Variants in AKAP19 observed in about 807,000 individuals in gnomAD.
AKAP19 encodes A-kinase anchoring protein 19.
At chr2:190,200,247 T>G in the AKAP19 span, 9 of 938,956 alleles carry the variant, frequency 9.6e-6, no homozygotes, top group Admixed American at 6.4e-5. Context: ...ACTATCTGGA[T>G]TTAAAAATGT....
chr2:190,183,651 GA>G, the AKAP19 span, among the ~76,000 whole-genome samples: 1 of 151,950 alleles, frequency 6.6e-6, no homozygotes, highest in Non-Finnish European at 1.5e-5. Flanking sequence ...AACACTGGGG[GA>G]AAAAAGTTCT....
At chr2:190,052,826 C>T in the AKAP19 span, among the ~76,000 whole-genome samples, 2 of 152,108 alleles carry the variant, frequency 1.3e-5, no homozygotes, top group Non-Finnish European at 2.9e-5. Context: ...TCAAATATAG[C>T]TGTTAGCCCT....
the AKAP19 span, among the ~76,000 whole-genome samples, chr2:190,150,903 T>C: frequency 1.3e-5 from 2 of 152,130 alleles, no homozygotes; most frequent in African/African-American, 4.8e-5. Flanking sequence ...TCTATCTCAG[T>C]GTAATATTAA....
At chr2:189,943,033 G>A in the AKAP19 span, among the ~76,000 whole-genome samples, 4 of 152,200 alleles carry the variant, frequency 2.6e-5, no homozygotes, top group Admixed American at 2.6e-4. Flanking sequence ...TTTCAGGAGA[G>A]GAATTCAAGC....
At chr2:189,986,208 C>T in the AKAP19 span, among the ~76,000 whole-genome samples, 1 of 152,088 alleles carries the variant, frequency 6.6e-6, no homozygotes, top group Non-Finnish European at 1.5e-5. Flanking sequence ...GTGGCCATAT[C>T]TAAAGTTCTA....
At chr2:189,987,570 T>A in the AKAP19 span, among the ~76,000 whole-genome samples, 1 of 152,174 alleles carries the variant, frequency 6.6e-6, no homozygotes, top group Non-Finnish European at 1.5e-5. Context: ...CTATTCCCAC[T>A]CTGTCCTACC....
the AKAP19 span, among the ~76,000 whole-genome samples, chr2:190,029,947 A>G: frequency 6.6e-6 from 1 of 152,058 alleles, no homozygotes; most frequent in Admixed American, 6.6e-5. Flanking sequence ...ATTACTTTAT[A>G]TTTTTCTGTA....
chr2:189,881,104 CT>C, the AKAP19 span, among the ~76,000 whole-genome samples: 1 of 151,916 alleles, frequency 6.6e-6, no homozygotes, highest in African/African-American at 2.4e-5. Context: ...AAGATAAGTA[CT>C]GAAAAAAAAC....
chr2:190,058,785 T>C, the AKAP19 span, among the ~76,000 whole-genome samples: 1 of 152,104 alleles, frequency 6.6e-6, no homozygotes, highest in Middle Eastern at 3.4e-3. Context: ...AAGTGCGAGC[T>C]AAGCTATGCG....
chr2:190,176,537 A>T, the AKAP19 span, among the ~76,000 whole-genome samples: 30 of 152,186 alleles, frequency 2.0e-4, no homozygotes, highest in African/African-American at 5.5e-4. The surrounding 1 kb of genome is among the most constrained non-coding windows in gnomAD (Gnocchi z 4.7). Flanking sequence ...TTTAGTAGAG[A>T]CGGAGTTTCA....
At chr2:189,955,095 C>T in the AKAP19 span, among the ~76,000 whole-genome samples, 1 of 152,080 alleles carries the variant, frequency 6.6e-6, no homozygotes, top group African/African-American at 2.4e-5. Context: ...CTGTACCTGC[C>T]TCCCACCCTC....
the AKAP19 span, among the ~76,000 whole-genome samples, chr2:190,085,833 A>G: frequency 1.8e-3 from 268 of 152,324 alleles, no homozygotes; most frequent in African/African-American, 6.2e-3. Flanking sequence ...TTAAGAGATG[A>G]AGTAACTGGT....
At chr2:189,917,487 A>T in the AKAP19 span, 1 of 675,448 alleles carries the variant, frequency 1.5e-6, no homozygotes, top group South Asian at 1.6e-5. Flanking sequence ...TGAAACAGAT[A>T]TTCTGCTTTC....
the AKAP19 span, among the ~76,000 whole-genome samples, chr2:189,898,238 C>T: frequency 6.6e-6 from 1 of 151,898 alleles, no homozygotes; most frequent in Non-Finnish European, 1.5e-5. Context: ...ACTAAAGCAG[C>T]TTTTGGATGA....
At chr2:190,050,460 A>G in the AKAP19 span, among the ~76,000 whole-genome samples, 1 of 152,234 alleles carries the variant, frequency 6.6e-6, no homozygotes, top group Admixed American at 6.5e-5. Flanking sequence ...GCTAATGTAC[A>G]GTGTAGAGTG....
chr2:189,898,228 A>G, the AKAP19 span, among the ~76,000 whole-genome samples: 3 of 152,058 alleles, frequency 2.0e-5, no homozygotes, highest in Non-Finnish European at 2.9e-5. Context: ...GAGAATAGGA[A>G]CTAAAGCAGC....
chr2:189,983,472 T>A, the AKAP19 span, among the ~76,000 whole-genome samples: 1 of 152,154 alleles, frequency 6.6e-6, no homozygotes, highest in African/African-American at 2.4e-5. Flanking sequence ...ATGAAAACAC[T>A]TTCTCCACGT....
the AKAP19 span, among the ~76,000 whole-genome samples, chr2:189,896,283 C>A: frequency 6.6e-6 from 1 of 152,020 alleles, no homozygotes; most frequent in Admixed American, 6.6e-5. Context: ...TGGAACTTAA[C>A]AAGAATGTTG....
chr2:189,911,309 A>G, the AKAP19 span, among the ~76,000 whole-genome samples: 2 of 152,216 alleles, frequency 1.3e-5, no homozygotes, highest in South Asian at 4.1e-4. Flanking sequence ...TTTGTTACTA[A>G]TTTTGGAGGA....
Sources: allele counts gnomAD v4.1 joint callset (sites outside exome capture counted in the v4.1 genomes callset), GRCh38; gene constraint gnomAD v4.1.1; non-coding constraint Gnocchi (gnomAD v3.1); transcripts MANE v1.5; gene names NCBI Gene and HGNC (gene_info 2026-07-23, HGNC 2026-07-21).